The following FAM234A variants were observed in gnomAD, a reference collection of about 807,000 sequenced individuals.
FAM234A encodes protein FAM234A.
FAM234A carries 42 observed loss-of-function variants against 49.1 expected under a neutral mutation model. The ratio of observed to expected loss-of-function variants is 0.86; its 90% CI spans 0.67 to 1.11. FAM234A has a LOEUF of 1.11. Among genes scored for constraint, FAM234A ranks in the 50% least tolerant of loss-of-function variants. The pLI is 0.00. For missense variants in FAM234A, 815 were observed against 745.2 expected, an observed-to-expected ratio of 1.09 and a Z score of -1.09; for synonymous variants, 369 against 316.2, an observed-to-expected ratio of 1.17 and a Z score of -1.77.
chr16:267,632 T>C (rs1320489823), downstream of FAM234A, among the ~76,000 whole-genome samples: 13 of 145,922 alleles, frequency 8.9e-5, no homozygotes, highest in Admixed American at 6.2e-4. Flanking sequence ...GTGCTACACA[T>C]GCCTCATACG....
At chr16:244,045 T>C (rs2050708628) in intron 1 of FAM234A, among the ~76,000 whole-genome samples, 2 of 151,942 alleles carry the variant, frequency 1.3e-5, no homozygotes, top group East Asian at 3.9e-4. Context: ...CTCGGCTCAC[T>C]GCAACCTCCG....
At chr16:260,341 G>C in intron 5 of FAM234A, 181 bp downstream of exon 5, 1 of 627,858 alleles carries the variant, frequency 1.6e-6, no homozygotes, top group South Asian at 1.8e-5. Context: ...GAAGGCACAC[G>C]CCTCGGCTGC....
chr16:244,854 A>ATTTTTTTTTTTTTTTTTTTTTTTTT (rs1203898846), intron 1 of FAM234A, among the ~76,000 whole-genome samples: 2 of 147,386 alleles, frequency 1.4e-5, no homozygotes, highest in Non-Finnish European at 3.0e-5. Flanking sequence ...CGCCCGGCTA[A>ATTTTTTTTTTTTTTTTTTTTTTTTT]TTTTTTTTTG....
chr16:268,487 T>G, downstream of FAM234A: 1 of 503,768 alleles, frequency 2.0e-6, no homozygotes, highest in African/African-American at 1.9e-5. Context: ...GGTGAGGCAC[T>G]TGGGGGATGG....
intron 2 of FAM234A, among the ~76,000 whole-genome samples, chr16:252,327 G>A (rs1049838607): frequency 2.0e-5 from 3 of 151,508 alleles, no homozygotes; most frequent in African/African-American, 7.3e-5. Flanking sequence ...GACTACAGGC[G>A]CCCGCCACCA....
intron 1 of FAM234A, among the ~76,000 whole-genome samples, chr16:247,968 G>A (rs1306564316): frequency 1.3e-5 from 2 of 152,126 alleles, no homozygotes; most frequent in African/African-American, 4.8e-5. Context: ...AACCCTCTCA[G>A]AGTGGAGCCC....
Position 250,773 on chromosome 16 carries a change from T to C in FAM234A, c.-34+1119T>C, listed in dbSNP as rs115244869. Among the ~76,000 whole-genome samples, 540 of 152,276 alleles carry C rather than the reference T, an allele frequency of 3.5e-3. 2 individuals are homozygous for C. The highest frequency in any genetic ancestry group is 0.012 in the African/African-American group (514 of 41,550). ...CGAGTCTACTCCCTGCCTCTGTGGA[T>C]TTGCCTGTTCTGGGCGTTTCACACT... On this transcript the variant is annotated intron_variant, in intron 2 of 12. Transcript: ENST00000399932.
intron 3 of FAM234A, 61 bp downstream of exon 3, chr16:254,742 G>C: frequency 2.6e-6 from 4 of 1,553,942 alleles, no homozygotes; most frequent in Non-Finnish European, 3.5e-6. Context: ...GGATGGGGCG[G>C]AGGGGGCAGA....
intron 1 of FAM234A, among the ~76,000 whole-genome samples, chr16:244,003 C>T (rs943195004): frequency 2.7e-5 from 4 of 150,770 alleles, no homozygotes; most frequent in African/African-American, 7.3e-5. Context: ...GAGTCTTGCT[C>T]TGTCACCCAG....
downstream of FAM234A, among the ~76,000 whole-genome samples, chr16:266,396 C>T (rs535172977): frequency 1.0e-3 from 154 of 152,322 alleles, 1 homozygote; most frequent in South Asian, 0.011. Context: ...ACGGTGGCCT[C>T]GGCACCGCGT....
At chr16:245,863 A>G (rs996909301) in intron 1 of FAM234A, among the ~76,000 whole-genome samples, 6 of 152,170 alleles carry the variant, frequency 3.9e-5, no homozygotes, top group African/African-American at 9.7e-5. Context: ...CTAACAATAC[A>G]TAAACATTCT....
chr16:250,490 C>T (rs529257212), intron 2 of FAM234A, among the ~76,000 whole-genome samples: 3 of 152,238 alleles, frequency 2.0e-5, no homozygotes, highest in African/African-American at 4.8e-5. Context: ...TTTGATTTTC[C>T]GTGTTCTAAC....
intron 3 of FAM234A, among the ~76,000 whole-genome samples, chr16:255,173 A>T (rs1437800626): frequency 6.6e-6 from 1 of 151,944 alleles, no homozygotes; most frequent in African/African-American, 2.4e-5. Context: ...TATTTTTGGT[A>T]AAGATGGGGT....
chr16:256,725 T>C (rs377432966), intron 3 of FAM234A, among the ~76,000 whole-genome samples: 145 of 149,492 alleles, frequency 9.7e-4, no homozygotes, highest in African/African-American at 3.5e-3. Context: ...AGGCACAGGC[T>C]ACCATGCCTG....
chr16:269,709 T>A, downstream of FAM234A: 1 of 772,816 alleles, frequency 1.3e-6, no homozygotes, highest in Non-Finnish European at 2.1e-6. Context: ...GCGGACAGGG[T>A]GCTGGAGGCA....
Position 261,467 on chromosome 16 carries a change from G to C in FAM234A, c.661G>C (p.Gly221Arg). 1 of 1,612,906 alleles carries C rather than the reference G, an allele frequency of 6.2e-7. No homozygotes were observed. Among genetic ancestry groups the C allele is most frequent in the East Asian group, 2.2e-5 (1 of 44,876 alleles). ...SPLLQVPDVD[G>R]DGAPDLLVLT... ...TCTGCTGCAGGTGCCTGATGTGGAC[G>C]GCGATGGGGCCCCAGACCTGCTGGT... The change falls in exon 6 of 13, where the codon GGC becomes CGC. Residue 221 changes from glycine to arginine, a missense_variant. Physicochemically the swap from Gly to Arg is moderately radical, Grantham distance 125. Coordinates refer to ENST00000399932, the MANE Select transcript of FAM234A (RefSeq NM_032039.4).
rs1596808912 is a variant in FAM234A at position 254,605 on chromosome 16, C to T, written c.192C>T (p.Phe64=). 3 of 1,593,930 alleles carry T rather than the reference C, an allele frequency of 1.9e-6. No homozygotes were observed. In the East Asian group the frequency reaches 6.9e-5, roughly 37 times the overall value. The change falls in exon 3 of 13, where the codon TTC becomes TTT. Residue 64 remains phenylalanine (F), a synonymous_variant. Coordinates refer to ENST00000399932, the MANE Select transcript of FAM234A (RefSeq NM_032039.4). ...TGTTTCTCTGCCTTTTTGTGGTGTT[C>T]GTCGTCTCATTCGTCATCCCGTGTC... The part of the protein sequence containing the change: ...LSLFLCLFVV[F]VVSFVIPCPD...
rs188597864 is a variant in FAM234A, at chr16:254,270, A to G, written c.-33-111A>G. ...TTTATTTCCTGGGCTGGTGGCCCAT[A>G]GTTAGAGCTGCAGCCAGTCCCCAAG... On this transcript the variant is annotated intron_variant, in intron 2 of 12. Transcript: ENST00000399932. 316 of 792,216 alleles carry G rather than the reference A, an allele frequency of 4.0e-4. No homozygotes were observed. In the African/African-American group the frequency reaches 4.5e-3, roughly 11 times the overall value. 49.1% of individuals were successfully genotyped at this position (792,216 alleles called of 1,614,324 possible). A position where few individuals can be genotyped will look rare whatever the true frequency, so the allele number is the denominator to read the frequency against.
chr16:236,938 T>C (rs1213626967), intron 1 of FAM234A, among the ~76,000 whole-genome samples: 1 of 151,380 alleles, frequency 6.6e-6, no homozygotes, highest in East Asian at 1.9e-4. Context: ...TAAATTATTT[T>C]GTAGGGATGG....
Sources: gnomAD v4.1 joint callset for allele counts (sites outside exome capture counted in the v4.1 genomes callset) on GRCh38, gnomAD v4.1.1 for gene constraint, MANE v1.5 for transcripts, NCBI Gene and HGNC (gene_info 2026-07-23, HGNC 2026-07-21) for gene names.